ANKRD6: variants seen among roughly 807,000 people sequenced by gnomAD.
ANKRD6 encodes ankyrin repeat domain 6, also known as ankyrin repeat domain-containing protein 6.
A neutral mutation model predicts 82.3 loss-of-function variants in ANKRD6; 56 were observed. That is an observed-to-expected ratio of 0.68 (90% CI 0.55 to 0.85). ANKRD6 has a LOEUF of 0.85. ANKRD6 is among the 40% of genes least tolerant of loss of function. The pLI, the probability that ANKRD6 is intolerant of heterozygous loss-of-function variation, is 0.00. For synonymous variants in ANKRD6, 347 were observed against 352.1 expected, an observed-to-expected ratio of 0.99 and a Z score of 0.16; for missense variants, 852 against 907.6, an observed-to-expected ratio of 0.94 and a Z score of 0.79.
rs769984696 is a variant in ANKRD6 at position 89,629,093 on chromosome 6, G to A, written c.1486-19G>A. The A allele has an allele frequency of 6.3e-7, 1 of 1,590,110 alleles. No homozygotes were observed. The highest frequency in any genetic ancestry group is 1.4e-5 in the African/African-American group (1 of 72,054). ...ATTCTTCTATGTACTTATTTGTGGG[G>A]TTTGTTTTTTTTTTTAAGATATCCT... On this transcript the variant is annotated intron_variant, in intron 14 of 15. Coordinates refer to ENST00000339746, the MANE Select transcript of ANKRD6 (RefSeq NM_001242809.2).
chr6:89,629,400 T>C (rs567423542), intron 15 of ANKRD6, 162 bp downstream of exon 15: 1 of 936,864 alleles, frequency 1.1e-6, no homozygotes, highest in South Asian at 1.4e-5. Flanking sequence ...CGTAACCATA[T>C]ACTCAGTTGC....
chr6:89,497,317 G>A (rs1778739287), intron 1 of ANKRD6, among the ~76,000 whole-genome samples: 2 of 152,276 alleles, frequency 1.3e-5, no homozygotes, highest in South Asian at 4.2e-4. Context: ...CATTCACTCA[G>A]CATACCTGTC....
intron 2 of ANKRD6, among the ~76,000 whole-genome samples, chr6:89,573,529 C>A (rs1452743217): frequency 6.6e-6 from 1 of 152,124 alleles, no homozygotes; most frequent in Non-Finnish European, 1.5e-5. Context: ...CTTGAGAAGT[C>A]CTTTCACCTC....
chr6:89,612,224 C>T (rs763917096), intron 5 of ANKRD6, 48 bp from the exon 6 acceptor site: 27 of 1,507,498 alleles, frequency 1.8e-5, no homozygotes, highest in African/African-American at 2.8e-5. Context: ...CAAGTCTGTG[C>T]GGAAGCATGT....
At chr6:89,525,239 AG>A (rs1782337392) in intron 1 of ANKRD6, among the ~76,000 whole-genome samples, 1 of 147,996 alleles carries the variant, frequency 6.8e-6, no homozygotes, top group Non-Finnish European at 1.5e-5. Context: ...GGTTGCAGTG[AG>A]TTGAGATTGT....
At chr6:89,500,429 G>A (rs1443700124) in intron 1 of ANKRD6, among the ~76,000 whole-genome samples, 1 of 152,160 alleles carries the variant, frequency 6.6e-6, no homozygotes, top group African/African-American at 2.4e-5. Context: ...ATATACCATG[G>A]TTAGAAAAAT....
At chr6:89,524,894 T>C (rs1191171853) in intron 1 of ANKRD6, among the ~76,000 whole-genome samples, 6 of 152,170 alleles carry the variant, frequency 3.9e-5, no homozygotes, top group Non-Finnish European at 8.8e-5. Context: ...TCTATTTTTT[T>C]TTTTTAATTT....
intron 1 of ANKRD6, among the ~76,000 whole-genome samples, chr6:89,533,040 A>T (rs770457757): frequency 1.3e-5 from 2 of 151,316 alleles, no homozygotes; most frequent in Non-Finnish European, 3.0e-5. Context: ...TATTTGGCTA[A>T]TTTTTTTTTA....
intron 1 of ANKRD6, among the ~76,000 whole-genome samples, chr6:89,447,204 A>G (rs12527792): frequency 0.15 from 22,372 of 151,974 alleles, 2,100 homozygotes; most frequent in East Asian, 0.4. Context: ...GCAGTGAGCT[A>G]TGATTGTGCC....
rs1035838450 is a variant in ANKRD6, at chr6:89,495,176, C to T, written c.-144+61801C>T. ...TGAACCCGGGAGGCGGAGCTTGCAG[C>T]GAGCCAAGATTGTGCCACTGCACGC... On this transcript the variant is annotated intron_variant, in intron 1 of 15. Transcript: ENST00000339746. 8.5e-5 allele frequency among the ~76,000 whole-genome samples: 13 copies of T among 152,126 alleles called. No homozygotes were observed. In the East Asian group the frequency reaches 1.2e-3, roughly 14 times the overall value.
chr6:89,560,523 A>G (rs1378377017), intron 1 of ANKRD6, among the ~76,000 whole-genome samples: 2 of 152,210 alleles, frequency 1.3e-5, no homozygotes, highest in Non-Finnish European at 2.9e-5. Context: ...GCAGAAGCTT[A>G]TAGAAAACTG....
intron 2 of ANKRD6, among the ~76,000 whole-genome samples, chr6:89,569,337 AATC>A (rs1789255973): frequency 6.6e-6 from 1 of 152,210 alleles, no homozygotes; most frequent in Non-Finnish European, 1.5e-5. Flanking sequence ...ATGTAAATAG[AATC>A]ATATGGTATG....
intron 1 of ANKRD6, among the ~76,000 whole-genome samples, chr6:89,472,443 G>A (rs1157865331): frequency 2.0e-5 from 3 of 152,104 alleles, no homozygotes; most frequent in Non-Finnish European, 4.4e-5. Flanking sequence ...TTTCTACTTT[G>A]TAAAGTCTGT....
At chr6:89,458,210 T>C (rs1773708799) in intron 1 of ANKRD6, among the ~76,000 whole-genome samples, 3 of 152,208 alleles carry the variant, frequency 2.0e-5, no homozygotes, top group Non-Finnish European at 2.9e-5. Context: ...TCATTTTTAA[T>C]GGTGAAAATA....
At chr6:89,482,804 A>C (rs925702019) in intron 1 of ANKRD6, among the ~76,000 whole-genome samples, 2 of 152,114 alleles carry the variant, frequency 1.3e-5, no homozygotes, top group African/African-American at 4.8e-5. Flanking sequence ...TTTCTTCCTC[A>C]TTGGACAGGA....
Position 89,573,395 on chromosome 6 carries a change from A to G in ANKRD6, c.120+6299A>G, listed in dbSNP as rs558611746. On this transcript the variant is annotated intron_variant, in intron 2 of 15. Coordinates refer to ENST00000339746, the MANE Select transcript of ANKRD6 (RefSeq NM_001242809.2). ...ACTCTGTAAAACCGTTCTTAGTGCA[A>G]TTCTCCATGAGTAAACCTATTACAT... Among the ~76,000 whole-genome samples the G allele has an allele frequency of 5.9e-5, 9 of 152,292 alleles. No individual in the cohort carries two copies. In the South Asian group the frequency reaches 1.9e-3, roughly 32 times the overall value.
intron 1 of ANKRD6, among the ~76,000 whole-genome samples, chr6:89,466,454 T>A (rs1436910855): frequency 1.3e-5 from 2 of 152,246 alleles, no homozygotes; most frequent in African/African-American, 4.8e-5. Flanking sequence ...ATTTGTTGTC[T>A]TGCCTTTTTG....
At chr6:89,467,997 G>C (rs1775037713) in intron 1 of ANKRD6, among the ~76,000 whole-genome samples, 1 of 152,176 alleles carries the variant, frequency 6.6e-6, no homozygotes, top group Admixed American at 6.5e-5. Context: ...AGTTCCTGAG[G>C]CAGTGTGCCT....
At chr6:89,629,342 C>T in intron 15 of ANKRD6, 104 bp downstream of exon 15, 1 of 1,516,222 alleles carries the variant, frequency 6.6e-7, no homozygotes, top group Non-Finnish European at 9.0e-7. Context: ...CTGTGGGAAA[C>T]ACTGGATGGT....
Sources: gnomAD v4.1 joint callset for allele counts (sites outside exome capture counted in the v4.1 genomes callset) on GRCh38, gnomAD v4.1.1 for gene constraint, MANE v1.5 for transcripts, NCBI Gene and HGNC (gene_info 2026-07-23, HGNC 2026-07-21) for gene names.